DHX34: variants seen among roughly 807,000 people sequenced by gnomAD.
DHX34 encodes DExH-box helicase 34, also known as probable ATP-dependent RNA helicase DHX34.
In DHX34, 96 loss-of-function variants were observed where a neutral mutation model predicts 111.1. That is an observed-to-expected ratio of 0.86 (90% CI 0.73 to 1.02). The LOEUF is 1.02. Ranked by LOEUF, DHX34 falls within the 50% of genes least tolerant of loss-of-function variation. DHX34 has a pLI of 0.00. For synonymous variants in DHX34, 688 were observed against 670.4 expected (o/e 1.03, Z -0.41); for missense variants, 1,560 against 1,579.9 (o/e 0.99, Z 0.21).
At chr19:47,351,186 T>C (rs993009487) in intron 1 of DHX34, among the ~76,000 whole-genome samples, 5 of 136,666 alleles carry the variant, frequency 3.7e-5, no homozygotes, top group Admixed American at 2.1e-4. Flanking sequence ...TTTTTTTTTT[T>C]TTTTTTTTTT....
chr19:47,359,779 C>T, intron 4 of DHX34, 189 bp from the exon 5 acceptor site: 1 of 920,348 alleles, frequency 1.1e-6, no homozygotes, highest in Non-Finnish European at 1.3e-6. Context: ...AAGACTCCGT[C>T]TGAGGGTGGG....
Position 47,382,470 on chromosome 19 carries a change from C to T in DHX34, c.*357C>T, listed in dbSNP as rs914652789. 8.0e-6 allele frequency: 2 copies of T among 249,228 alleles called. No individual in the cohort carries two copies. Among genetic ancestry groups the T allele is most frequent in the East Asian group, 1.1e-4 (1 of 8,852 alleles). 15.4% of individuals were successfully genotyped at this position (249,228 alleles called of 1,614,324 possible). On this transcript the variant is annotated 3_prime_UTR_variant, in exon 17 of 17. Coordinates refer to ENST00000328771, the MANE Select transcript of DHX34 (RefSeq NM_014681.6). Reference sequence around the variant, plus strand: ...TGCAGGTTCTTAGCACCTCCGCAGCCGCTCTCTCTTGAGTCCATCCTCAGT... The same window carrying T: ...TGCAGGTTCTTAGCACCTCCGCAGCTGCTCTCTCTTGAGTCCATCCTCAGT...
At position 47,376,033 on chromosome 19, in the gene DHX34, G is replaced by T. The variant is rs777649304; in HGVS notation, c.2417G>T (p.Arg806Leu). 3.7e-6 allele frequency: 6 copies of T among 1,603,364 alleles called. No homozygotes were observed. The highest frequency in any genetic ancestry group is 1.7e-5 in the Admixed American group (1 of 57,852). ...QLALLKLVLG[R>L]GLYPQLAVPD... ...GCTCTGCTGAAGCTGGTGCTGGGCCGGGGCCTGTACCCACAGCTGGCCGTC... is the reference window on the plus strand; with the variant it reads ...GCTCTGCTGAAGCTGGTGCTGGGCCTGGGCCTGTACCCACAGCTGGCCGTC... The change falls in exon 11 of 17, where the codon CGG (arginine) becomes CTG (leucine). Residue 806 changes from arginine to leucine, a missense_variant. Physicochemically the swap from Arg to Leu is moderately radical, Grantham distance 102. Coordinates refer to ENST00000328771, the MANE Select transcript of DHX34 (RefSeq NM_014681.6).
intron 1 of DHX34, among the ~76,000 whole-genome samples, chr19:47,351,909 C>T (rs1399185199): frequency 1.3e-5 from 2 of 152,152 alleles, no homozygotes; most frequent in African/African-American, 4.8e-5. Flanking sequence ...GGATACTGTC[C>T]TCAGAAAAGA....
At chr19:47,360,190 C>A in intron 5 of DHX34, 120 bp downstream of exon 5, 3 of 874,996 alleles carry the variant, frequency 3.4e-6, no homozygotes, top group Admixed American at 2.4e-5. Flanking sequence ...TTGACTTTCC[C>A]ATATCCAAAA....
chr19:47,361,467 G>A (rs1335488444), intron 5 of DHX34, among the ~76,000 whole-genome samples: 1 of 149,250 alleles, frequency 6.7e-6, no homozygotes, highest in African/African-American at 2.5e-5. Flanking sequence ...AAAAAAAAAA[G>A]AGAGAGAGAG....
intron 12 of DHX34, 149 bp downstream of exon 12, chr19:47,376,709 C>T: frequency 7.0e-7 from 1 of 1,427,962 alleles, no homozygotes; most frequent in Non-Finnish European, 9.3e-7. Context: ...CAGGGCCAGG[C>T]CTCCCTGGGT....
rs370413988 is a variant in DHX34, at chr19:47,362,457, C to A, written c.1376-19C>A. The A allele has an allele frequency of 1.2e-4, 185 of 1,538,390 alleles. 1 individual carries two copies. Among genetic ancestry groups the A allele is most frequent in the Non-Finnish European group, 1.6e-4 (181 of 1,140,468 alleles). On this transcript the variant is annotated intron_variant, in intron 5 of 16. Coordinates refer to ENST00000328771, the MANE Select transcript of DHX34 (RefSeq NM_014681.6). ...TGGCTGCCACACACAGACTCCCTTTCCTCATTGCTCCCATCCAGGAAAGGT... is the reference window on the plus strand; with the variant it reads ...TGGCTGCCACACACAGACTCCCTTTACTCATTGCTCCCATCCAGGAAAGGT...
intron 4 of DHX34, 136 bp from the exon 5 acceptor site, chr19:47,359,832 C>CAT: frequency 1.1e-5 from 16 of 1,518,046 alleles, no homozygotes; most frequent in Non-Finnish European, 1.4e-5. Context: ...GACGGTGAGC[C>CAT]ATCTCCAAAA....
At position 47,352,956 on chromosome 19, in the gene DHX34, T is replaced by G; in HGVS notation, c.-75T>G. 6 of 1,507,350 alleles carry G rather than the reference T, an allele frequency of 4.0e-6. No homozygotes were observed. The South Asian group carries it at 8.0e-5, about 20-fold the overall frequency. 93.4% of individuals were successfully genotyped at this position (1,507,350 alleles called of 1,614,324 possible). A position where few individuals can be genotyped will look rare whatever the true frequency, so the allele number is the denominator to read the frequency against. On this transcript the variant is annotated 5_prime_UTR_variant, in exon 2 of 17. It adds an upstream start codon to the 5' untranslated region. Transcript: ENST00000328771. ...TATTGCAGGCACTGGCCTCTTAAAT[T>G]GTTGCAGGTGGGGAATGGATGAGAA...
At chr19:47,367,607 A>G (rs1246741038) in intron 7 of DHX34, among the ~76,000 whole-genome samples, 2 of 152,060 alleles carry the variant, frequency 1.3e-5, no homozygotes, top group Non-Finnish European at 2.9e-5. Flanking sequence ...GTCGAGAAAC[A>G]TGGCCGGCAC....
chr19:47,356,627 C>CA (rs529660294), intron 3 of DHX34, among the ~76,000 whole-genome samples: 1,040 of 94,338 alleles, frequency 0.011, 14 homozygotes, highest in African/African-American at 0.03. Flanking sequence ...GATCCCATCT[C>CA]AAAAAAAAAA....
At position 47,382,481 on chromosome 19, in the gene DHX34, G is replaced by C. The variant is rs865939136; in HGVS notation, c.*368G>C. 2.3e-4 allele frequency: 51 copies of C among 223,618 alleles called. 1 individual carries two copies. The highest frequency in any genetic ancestry group is 1.2e-3 in the African/African-American group (44 of 37,306). The allele number at this position is 223,618 out of a possible 1,614,324, so 13.9% of individuals were successfully genotyped here. Reference sequence around the variant, plus strand: ...AGCACCTCCGCAGCCGCTCTCTCTTGAGTCCATCCTCAGTCTCTCCTACCC... The same window carrying C: ...AGCACCTCCGCAGCCGCTCTCTCTTCAGTCCATCCTCAGTCTCTCCTACCC... On this transcript the variant is annotated 3_prime_UTR_variant, in exon 17 of 17. Coordinates refer to ENST00000328771, the MANE Select transcript of DHX34 (RefSeq NM_014681.6).
Position 47,382,384 on chromosome 19 carries a change from G to C in DHX34, c.*271G>C. ...TTCCTGCTGCAGGGTGCTGCCTGAG[G>C]GGTCCTGGGTAGGAGGGGCGTTAGA... is the stretch of plus-strand genomic sequence containing the variant. On this transcript the variant is annotated 3_prime_UTR_variant, in exon 17 of 17. Transcript: ENST00000328771. 2.0e-6 allele frequency: 1 copy of C among 489,254 alleles called. No homozygotes were observed. Among genetic ancestry groups the C allele is most frequent in the Non-Finnish European group, 3.5e-6 (1 of 289,012 alleles). The allele number at this position is 489,254 out of a possible 1,614,324, so 30.3% of individuals were successfully genotyped here.
intron 8 of DHX34, 42 bp from the exon 9 acceptor site, chr19:47,373,557 C>G (rs1432978605): frequency 3.1e-6 from 5 of 1,599,186 alleles, no homozygotes; most frequent in Non-Finnish European, 4.3e-6. Context: ...CCTCCCCGCA[C>G]TGGCCAGGCC....
chr19:47,362,532 T>G lies in DHX34; in HGVS notation c.1432T>G (p.Phe478Val), dbSNP rs1599760024. The G allele has an allele frequency of 6.2e-7, 1 of 1,607,380 alleles. No individual in the cohort carries two copies. Among genetic ancestry groups the G allele is most frequent in the Non-Finnish European group, 8.5e-7 (1 of 1,176,768 alleles). The change falls in exon 6 of 17, where the codon TTC becomes GTC. Residue 478 changes from phenylalanine to valine, a missense_variant. By Grantham distance (50) the Phe-to-Val change is conservative (BLOSUM62 -1). Transcript: ENST00000328771. ...PQAKLQRLQE[F>V]WISQASAEQR... The stretch of plus-strand genomic sequence containing the variant: ...GGCCAAGCTGCAACGGCTGCAGGAG[T>G]TCTGGATTAGTCAGGCCAGCGCAGA...
At chr19:47,366,908 ATC>A (rs1450188087) in intron 6 of DHX34, 71 bp from the exon 7 acceptor site, 1 of 1,419,290 alleles carries the variant, frequency 7.0e-7, no homozygotes, top group East Asian at 2.7e-5. Flanking sequence ...TGAATTTGTG[ATC>A]TCTGAGCCCC....
At chr19:47,377,310 C>G (rs1038409107) in intron 13 of DHX34, 104 bp downstream of exon 13, 1 of 1,236,552 alleles carries the variant, frequency 8.1e-7, no homozygotes. Context: ...CACCTGGCAC[C>G]TGGGCTGGCC....
Position 47,352,827 on chromosome 19 carries a change from T to G in DHX34, c.-204T>G. ...CACTGCAGATGTCATGAGGTACCCT[T>G]TGTGTCACCAGCTCAAGCAGGCCTC... On this transcript the variant is annotated 5_prime_UTR_variant, in exon 2 of 17. Transcript: ENST00000328771. 1.9e-6 allele frequency: 2 copies of G among 1,041,458 alleles called. No individual in the cohort carries two copies. The highest frequency in any genetic ancestry group is 2.7e-6 in the Non-Finnish European group (2 of 746,982). 64.5% of individuals were successfully genotyped at this position (1,041,458 alleles called of 1,614,324 possible).
Sources: allele counts gnomAD v4.1 joint callset (sites outside exome capture counted in the v4.1 genomes callset), GRCh38; gene constraint gnomAD v4.1.1; transcripts MANE v1.5; gene names NCBI Gene and HGNC (gene_info 2026-07-23, HGNC 2026-07-21).